The following KIF2A variants were observed in gnomAD, a reference collection of about 807,000 sequenced individuals.
The protein encoded by KIF2A is kinesin family member 2A, also known as kinesin-like protein KIF2A.
In KIF2A, 22 loss-of-function variants were observed where a neutral mutation model predicts 100.2. The observed-to-expected ratio is 0.22, with a 90% CI of 0.16 to 0.31. The LOEUF is 0.31. KIF2A is among the 10% of genes least tolerant of loss of function. The probability of loss-of-function intolerance (pLI) is 1.00; values close to 1 mark genes in which losing one functional copy is unlikely to be tolerated. For missense variants in KIF2A, 495 were observed against 898.7 expected (o/e 0.55, Z 5.74); for synonymous variants, 268 against 285.9 (o/e 0.94, Z 0.63).
intron 1 of KIF2A, among the ~76,000 whole-genome samples, chr5:62,314,696 T>G (rs1236918087): frequency 1.3e-5 from 2 of 151,424 alleles, no homozygotes; most frequent in African/African-American, 4.8e-5. Context: ...AAGGACAAGA[T>G]CAGCAGGGAA....
chr5:62,347,546 T>C (rs1415752486), intron 2 of KIF2A, among the ~76,000 whole-genome samples: 1 of 152,244 alleles, frequency 6.6e-6, no homozygotes, highest in Non-Finnish European at 1.5e-5. Context: ...GTCAAGACTA[T>C]AAAATGATAT....
At chr5:62,367,320 G>T (rs1322801488) in intron 16 of KIF2A, among the ~76,000 whole-genome samples, 2 of 151,914 alleles carry the variant, frequency 1.3e-5, no homozygotes, top group African/African-American at 4.8e-5. Flanking sequence ...AGGCTGGAGT[G>T]CAGTGGTGTG....
At chr5:62,325,345 A>C (rs1417791400) in intron 1 of KIF2A, among the ~76,000 whole-genome samples, 1 of 152,006 alleles carries the variant, frequency 6.6e-6, no homozygotes, top group African/African-American at 2.4e-5. Flanking sequence ...GCTGGTCTCG[A>C]ACTCCTGACC....
At chr5:62,355,608 T>C (rs1225903449) in intron 7 of KIF2A, among the ~76,000 whole-genome samples, 3 of 152,182 alleles carry the variant, frequency 2.0e-5, no homozygotes, top group Non-Finnish European at 4.4e-5. Context: ...TCTTGGGCTG[T>C]AGATCCCACC....
intron 1 of KIF2A, among the ~76,000 whole-genome samples, chr5:62,325,159 C>G (rs1746306158): frequency 1.3e-5 from 2 of 152,002 alleles, no homozygotes; most frequent in Admixed American, 1.3e-4. Context: ...GAGTCTCGCT[C>G]TGTCACCCAG....
intron 16 of KIF2A, among the ~76,000 whole-genome samples, chr5:62,367,807 T>G (rs2111971693): frequency 6.6e-6 from 1 of 152,270 alleles, no homozygotes; most frequent in Non-Finnish European, 1.5e-5. Flanking sequence ...TTACCACTGC[T>G]CTTATTTTGA....
chr5:62,317,567 A>G (rs931011904), intron 1 of KIF2A, among the ~76,000 whole-genome samples: 1 of 152,248 alleles, frequency 6.6e-6, no homozygotes, highest in Non-Finnish European at 1.5e-5. Context: ...AATCCTCTAC[A>G]TACTAATTCA....
chr5:62,359,616 C>T (rs1336483008), intron 9 of KIF2A, among the ~76,000 whole-genome samples: 5 of 151,870 alleles, frequency 3.3e-5, no homozygotes, highest in African/African-American at 9.7e-5. Flanking sequence ...CTACTCCTGC[C>T]TCATAAAATA....
At chr5:62,354,354 A>G (rs2111930203) in intron 6 of KIF2A, among the ~76,000 whole-genome samples, 1 of 152,248 alleles carries the variant, frequency 6.6e-6, no homozygotes, top group East Asian at 1.9e-4. Context: ...ATTTCCTAGA[A>G]GAAGGTTAAT....
intron 1 of KIF2A, among the ~76,000 whole-genome samples, chr5:62,326,376 C>A (rs1746380458): frequency 6.6e-6 from 1 of 152,046 alleles, no homozygotes; most frequent in African/African-American, 2.4e-5. Flanking sequence ...TTGCTCCTGG[C>A]CCACCCACAC....
chr5:62,316,753 T>C (rs1163420853), intron 1 of KIF2A, among the ~76,000 whole-genome samples: 2 of 152,166 alleles, frequency 1.3e-5, no homozygotes, highest in African/African-American at 4.8e-5. Flanking sequence ...GGGTTAAGAA[T>C]TGTACGGGAA....
In KIF2A at chr5:62,372,492, C is replaced by G. The variant is rs186954229; in HGVS notation, c.1701C>G (p.Gly567=). The G allele has an allele frequency of 7.7e-4, 1,243 of 1,613,150 alleles. 8 individuals are homozygous for G. The highest frequency in any genetic ancestry group is 3.7e-3 in the East Asian group (168 of 44,856). Reference sequence around the variant, plus strand: ...ACATTCCCTTCTCACAGGGTAGTGGCAGTCGCCCTGATCTCTCTCCTTCTT... The same window carrying G: ...ACATTCCCTTCTCACAGGGTAGTGGGAGTCGCCCTGATCTCTCTCCTTCTT... ...PSDIPFSQGS[G]SRPDLSPSYE... is the part of the protein sequence containing the mutation. Residue 567 remains glycine, a synonymous_variant, in exon 17 of 21, where the codon GGC becomes GGG. Coordinates refer to ENST00000407818, the MANE Select transcript of KIF2A (RefSeq NM_001098511.3).
intron 1 of KIF2A, among the ~76,000 whole-genome samples, chr5:62,338,008 A>G (rs928983927): frequency 1.3e-5 from 2 of 152,186 alleles, no homozygotes; most frequent in Non-Finnish European, 2.9e-5. Flanking sequence ...CAGACATGCA[A>G]AAGGCCAAGA....
At chr5:62,352,779 T>C (rs1010051215) in intron 5 of KIF2A, 69 bp downstream of exon 5, 26 of 1,316,590 alleles carry the variant, frequency 2.0e-5, no homozygotes, top group Non-Finnish European at 2.7e-5. Flanking sequence ...GTCATCCTTT[T>C]AAGTCCTCAA....
At chr5:62,314,344 G>A (rs1397915270) in intron 1 of KIF2A, among the ~76,000 whole-genome samples, 1 of 152,002 alleles carries the variant, frequency 6.6e-6, no homozygotes, top group Non-Finnish European at 1.5e-5. Context: ...TGTGACTGTA[G>A]CCCCAGCTAC....
At chr5:62,348,840 T>TTTGTTG (rs10694610) in intron 3 of KIF2A, among the ~76,000 whole-genome samples, 1 of 151,658 alleles carries the variant, frequency 6.6e-6, no homozygotes, top group Non-Finnish European at 1.5e-5. Flanking sequence ...CATTTGTGGT[T>TTTGTTG]TTGTTGTTGT....
intron 1 of KIF2A, among the ~76,000 whole-genome samples, chr5:62,319,356 C>T (rs1259601468): frequency 2.6e-5 from 4 of 152,180 alleles, no homozygotes; most frequent in African/African-American, 9.7e-5. Flanking sequence ...CCTGAACAAA[C>T]TAACCTGCCT....
chr5:62,370,443 G>A (rs551476053), intron 16 of KIF2A, among the ~76,000 whole-genome samples: 2 of 152,008 alleles, frequency 1.3e-5, no homozygotes, highest in African/African-American at 2.4e-5. Flanking sequence ...ACAGGCGCCC[G>A]TCACCACGCC....
chr5:62,347,255 G>T (rs372518989), intron 2 of KIF2A, 31 bp downstream of exon 2: 4 of 1,137,758 alleles, frequency 3.5e-6, no homozygotes, highest in Non-Finnish European at 5.2e-6. Flanking sequence ...TTTATTCCTA[G>T]TCCTGCAATC....
Sources: gnomAD v4.1 joint callset for allele counts (sites outside exome capture counted in the v4.1 genomes callset) on GRCh38, gnomAD v4.1.1 for gene constraint, MANE v1.5 for transcripts, NCBI Gene and HGNC (gene_info 2026-07-23, HGNC 2026-07-21) for gene names.